The following RBFOX1 variants were observed in gnomAD, a reference collection of about 807,000 sequenced individuals.
The protein encoded by RBFOX1 is RNA binding protein fox-1 homolog 1.
Under a neutral mutation model 57.7 loss-of-function variants are expected in RBFOX1, and 8 were observed. That is an observed-to-expected ratio of 0.14 (90% CI 0.08 to 0.25). RBFOX1 has a LOEUF of 0.25. RBFOX1 is among the 10% of genes least tolerant of loss of function. The pLI, the probability that RBFOX1 is intolerant of heterozygous loss-of-function variation, is 1.00. For missense variants in RBFOX1, 611 were observed against 548.5 expected (o/e 1.11, Z -1.14); for synonymous variants, 326 against 222.4 (o/e 1.47, Z -4.15).
intron 5 of RBFOX1, among the ~76,000 whole-genome samples, chr16:7,541,967 G>C (rs1436439039): frequency 6.6e-6 from 1 of 152,208 alleles, no homozygotes; most frequent in Non-Finnish European, 1.5e-5. Flanking sequence ...CAGTGCTTCA[G>C]CTTGACATTA....
At chr16:5,335,022 G>C (rs995984837) in intron 1 of RBFOX1, among the ~76,000 whole-genome samples, 3 of 152,076 alleles carry the variant, frequency 2.0e-5, no homozygotes, top group African/African-American at 7.2e-5. Flanking sequence ...TTTCAATTCT[G>C]ATAAACATCA....
At chr16:7,054,386 C>A (rs939967745) in intron 4 of RBFOX1, among the ~76,000 whole-genome samples, 1 of 151,458 alleles carries the variant, frequency 6.6e-6, no homozygotes, top group Non-Finnish European at 1.5e-5. Context: ...ATTACAGGCA[C>A]GCGCCACCAC....
chr16:7,250,632 A>G (rs1168592310), intron 4 of RBFOX1, among the ~76,000 whole-genome samples: 1 of 152,240 alleles, frequency 6.6e-6, no homozygotes. Context: ...GACACTGAGC[A>G]AGCATTTAGA....
intron 8 of RBFOX1, chr16:7,597,148 A>C (rs541672870): frequency 2.4e-6 from 1 of 420,436 alleles, no homozygotes; most frequent in Non-Finnish European, 4.2e-6. Flanking sequence ...TAATGATATG[A>C]CATTGCTTTA....
chr16:6,646,579 G>C (rs2098536827), intron 2 of RBFOX1, among the ~76,000 whole-genome samples: 1 of 152,000 alleles, frequency 6.6e-6, no homozygotes, highest in South Asian at 2.1e-4. Flanking sequence ...AATCATAATC[G>C]GATATGGACT....
chr16:7,238,338 TAAATA>T (rs1414699404), intron 4 of RBFOX1, among the ~76,000 whole-genome samples: 2 of 130,974 alleles, frequency 1.5e-5, no homozygotes, highest in Admixed American at 1.5e-4. Flanking sequence ...AAAAAAAAAA[TAAATA>T]AATAAAATAA....
intron 3 of RBFOX1, among the ~76,000 whole-genome samples, chr16:6,881,090 A>G (rs1370778146): frequency 6.6e-6 from 1 of 152,182 alleles, no homozygotes; most frequent in African/African-American, 2.4e-5. Context: ...TTACCCACTG[A>G]GTCTGAGCTG....
chr16:6,847,697 A>G (rs1458521098), intron 3 of RBFOX1, among the ~76,000 whole-genome samples: 1 of 152,130 alleles, frequency 6.6e-6, no homozygotes, highest in East Asian at 1.9e-4. Flanking sequence ...TTTGACAGTG[A>G]TCGTCAGGAT....
At chr16:5,993,656 A>G (rs1379635626) in intron 4 of RBFOX1, among the ~76,000 whole-genome samples, 1 of 152,144 alleles carries the variant, frequency 6.6e-6, no homozygotes, top group Non-Finnish European at 1.5e-5. Context: ...AGGAGCCATA[A>G]TCAAGATTAC....
intron 7 of RBFOX1, 140 bp downstream of exon 7, chr16:7,587,440 G>C (rs192462702): frequency 1.1e-6 from 1 of 894,922 alleles, no homozygotes; most frequent in Non-Finnish European, 1.5e-6. Flanking sequence ...ACCACCTTCC[G>C]TTTTCAAAAT....
intron 2 of RBFOX1, among the ~76,000 whole-genome samples, chr16:6,578,063 C>A (rs1426955020): frequency 1.3e-5 from 2 of 151,704 alleles, no homozygotes; most frequent in Non-Finnish European, 2.9e-5. Flanking sequence ...TTCTGTGTTA[C>A]AACAAAAAAT....
chr16:6,975,099 C>T lies in RBFOX1; in HGVS notation c.-15-76958C>T, dbSNP rs138542614. On this transcript the variant is annotated intron_variant, in intron 3 of 15. Transcript: ENST00000550418. ...AGAGGACGGGAAAACCTCAACAACACCTCAGGAGTCAGAGAGCAGAGGAAG... is the reference window on the plus strand; with the variant it reads ...AGAGGACGGGAAAACCTCAACAACATCTCAGGAGTCAGAGAGCAGAGGAAG... Among the ~76,000 whole-genome samples, 74 of 152,160 alleles carry T rather than the reference C, an allele frequency of 4.9e-4. 1 individual carries two copies. The East Asian group carries it at 6.0e-3, about 12-fold the overall frequency.
chr16:6,848,810 G>T (rs1283649193), intron 3 of RBFOX1, among the ~76,000 whole-genome samples: 2 of 152,162 alleles, frequency 1.3e-5, no homozygotes, highest in African/African-American at 4.8e-5. Flanking sequence ...TCACACTCAT[G>T]GAGGAGCAGG....
intron 1 of RBFOX1, among the ~76,000 whole-genome samples, chr16:5,248,987 CAAAAAAAAAAAAA>C (rs56146545): frequency 1.6e-4 from 10 of 63,334 alleles, no homozygotes; most frequent in African/African-American, 4.0e-4. Flanking sequence ...GACTCCATCT[CAAAAAAAAAAAAA>C]AAAAAAAAAA....
At chr16:6,277,605 G>T (rs1189225720) in intron 1 of RBFOX1, among the ~76,000 whole-genome samples, 1 of 150,430 alleles carries the variant, frequency 6.6e-6, no homozygotes, top group African/African-American at 2.5e-5. Flanking sequence ...GGTCGAGGCT[G>T]CAGTGAGCCG....
intron 4 of RBFOX1, among the ~76,000 whole-genome samples, chr16:7,506,279 A>G (rs2073268278): frequency 6.6e-6 from 1 of 151,332 alleles, no homozygotes; most frequent in South Asian, 2.1e-4. Context: ...ATGAGGTCAG[A>G]TCTGAATTCA....
At chr16:7,662,496 G>A (rs558406297) in intron 12 of RBFOX1, among the ~76,000 whole-genome samples, 1 of 152,220 alleles carries the variant, frequency 6.6e-6, no homozygotes, top group African/African-American at 2.4e-5. Context: ...TCTAAAATAT[G>A]AACCCTATTC....
intron 1 of RBFOX1, among the ~76,000 whole-genome samples, chr16:6,305,171 G>A (rs2079345077): frequency 6.6e-6 from 1 of 152,198 alleles, no homozygotes; most frequent in African/African-American, 2.4e-5. Flanking sequence ...AGCATGTGAT[G>A]TCTACTTGGG....
intron 4 of RBFOX1, among the ~76,000 whole-genome samples, chr16:7,246,010 C>G (rs890301386): frequency 1.3e-5 from 2 of 152,186 alleles, no homozygotes; most frequent in Admixed American, 6.5e-5. Flanking sequence ...TTTTCCACTT[C>G]AAGTGTGGCA....
Sources: allele counts gnomAD v4.1 joint callset (sites outside exome capture counted in the v4.1 genomes callset), GRCh38; gene constraint gnomAD v4.1.1; transcripts MANE v1.5; gene names NCBI Gene and HGNC (gene_info 2026-07-23, HGNC 2026-07-21).